The following RYK variants were observed in gnomAD, a reference collection of about 807,000 sequenced individuals.
RYK encodes the protein receptor like tyrosine kinase.
RYK carries 21 observed loss-of-function variants against 70.2 expected under a neutral mutation model. The ratio of observed to expected loss-of-function variants is 0.30; its 90% CI spans 0.21 to 0.43. The LOEUF (loss-of-function observed/expected upper bound fraction) is 0.43. Ranked by LOEUF, RYK falls within the 20% of genes least tolerant of loss-of-function variation. The pLI is 1.00. For synonymous variants in RYK, 267 were observed against 278.0 expected, an observed-to-expected ratio of 0.96 and a Z score of 0.39; for missense variants, 604 against 753.3, an observed-to-expected ratio of 0.80 and a Z score of 2.32.
At chr3:134,201,459 A>G (rs1457364396) in intron 6 of RYK, among the ~76,000 whole-genome samples, 1 of 152,244 alleles carries the variant, frequency 6.6e-6, no homozygotes, top group Non-Finnish European at 1.5e-5. Context: ...GAAAAAGCTT[A>G]CATTCTAAAG....
chr3:134,224,703 C>T (rs1193916385), intron 1 of RYK, among the ~76,000 whole-genome samples: 2 of 151,980 alleles, frequency 1.3e-5, no homozygotes, highest in Non-Finnish European at 2.9e-5. Flanking sequence ...GGGTGCCTTC[C>T]CAGGCACTGG....
chr3:134,196,311 T>C (rs1046483659), intron 6 of RYK, among the ~76,000 whole-genome samples: 3 of 152,166 alleles, frequency 2.0e-5, no homozygotes, highest in African/African-American at 7.2e-5. Context: ...GATAGCAGGA[T>C]AGGTCTTTCA....
At chr3:134,220,674 A>G (rs1009777672) in intron 2 of RYK, among the ~76,000 whole-genome samples, 1 of 152,232 alleles carries the variant, frequency 6.6e-6, no homozygotes, top group South Asian at 2.1e-4. Context: ...ACACACATAT[A>G]TATGTACATA....
At chr3:134,195,644 C>T (rs974128411) in intron 6 of RYK, among the ~76,000 whole-genome samples, 2 of 152,138 alleles carry the variant, frequency 1.3e-5, no homozygotes, top group East Asian at 1.9e-4. Context: ...CCAACATGCT[C>T]GGAGCTTAGA....
chr3:134,188,452 G>A (rs1576511252), intron 9 of RYK, among the ~76,000 whole-genome samples: 1 of 152,116 alleles, frequency 6.6e-6, no homozygotes, highest in East Asian at 1.9e-4. Context: ...ATGAGCCACT[G>A]CACCTGGGCT....
At chr3:134,177,777 C>T (rs1371830138) in intron 11 of RYK, among the ~76,000 whole-genome samples, 164 bp downstream of exon 11, 1 of 152,208 alleles carries the variant, frequency 6.6e-6, no homozygotes, top group Non-Finnish European at 1.5e-5. Context: ...CATAAGCCAA[C>T]ATTTTCCTTT....
At position 134,173,843 on chromosome 3, in the gene RYK, T is replaced by A. The variant is rs530179394; in HGVS notation, c.1575+1766A>T. The stretch of plus-strand genomic sequence containing the variant: ...TCCCCTTTCTCAAATTATTCTCATT[T>A]TAAGGATTTTAAATTAGAATATCAG... On this transcript the variant is annotated intron_variant, in intron 13 of 14. Coordinates refer to ENST00000623711, the MANE Select transcript of RYK (RefSeq NM_002958.4). 1.1e-4 allele frequency among the ~76,000 whole-genome samples: 16 copies of A among 152,340 alleles called. No individual in the cohort carries two copies. The East Asian group carries it at 3.1e-3, about 29-fold the overall frequency.
intron 7 of RYK, among the ~76,000 whole-genome samples, chr3:134,193,413 G>A (rs2107669546): frequency 6.6e-6 from 1 of 152,298 alleles, no homozygotes; most frequent in Non-Finnish European, 1.5e-5. Context: ...TTGATCTCCT[G>A]ACCTCATGAT....
chr3:134,186,540 A>G (rs2013467733), intron 9 of RYK, among the ~76,000 whole-genome samples: 1 of 152,194 alleles, frequency 6.6e-6, no homozygotes, highest in Non-Finnish European at 1.5e-5. Context: ...AATTTGAGGC[A>G]ATGCACTTCC....
chr3:134,227,068 C>G (rs2014929359), intron 1 of RYK, among the ~76,000 whole-genome samples: 1 of 152,098 alleles, frequency 6.6e-6, no homozygotes. Flanking sequence ...ACTACTAAAA[C>G]CAACTAGTGA....
intron 13 of RYK, among the ~76,000 whole-genome samples, chr3:134,169,683 C>T (rs1207592712): frequency 6.6e-6 from 1 of 152,136 alleles, no homozygotes; most frequent in Non-Finnish European, 1.5e-5. Context: ...TGGAAAACAT[C>T]AATGTATTTC....
At chr3:134,247,381 G>C (rs796909507) in intron 1 of RYK, among the ~76,000 whole-genome samples, 5 of 152,290 alleles carry the variant, frequency 3.3e-5, no homozygotes, top group African/African-American at 1.2e-4. Context: ...GGATAAAAAA[G>C]ACAAAAGCAA....
intron 2 of RYK, among the ~76,000 whole-genome samples, chr3:134,217,785 G>A (rs1385631287): frequency 1.3e-5 from 2 of 152,166 alleles, no homozygotes; most frequent in African/African-American, 4.8e-5. Flanking sequence ...ACTAGAAGGT[G>A]CAAGGGACTT....
At chr3:134,184,623 G>A (rs1235447907) in intron 9 of RYK, among the ~76,000 whole-genome samples, 2 of 151,984 alleles carry the variant, frequency 1.3e-5, no homozygotes, top group East Asian at 3.9e-4. Context: ...TAATTAGTTG[G>A]ACCTGGTGGT....
In RYK at chr3:134,161,515, A is replaced by T. The variant is rs563123640; in HGVS notation, c.1576-2142T>A. Among the ~76,000 whole-genome samples the T allele has an allele frequency of 2.1e-3, 324 of 152,328 alleles. 2 individuals carry two copies. The highest frequency in any genetic ancestry group is 7.4e-3 in the African/African-American group (308 of 41,570). ...GACAAATGTCCTTAGCCAGAGCAAA[A>T]CTGTCCCAGTTAAGAACCACTGTGT... On this transcript the variant is annotated intron_variant, in intron 13 of 14. Coordinates refer to ENST00000623711, the MANE Select transcript of RYK (RefSeq NM_002958.4).
intron 13 of RYK, among the ~76,000 whole-genome samples, chr3:134,163,942 C>T (rs1373985415): frequency 6.6e-6 from 1 of 152,164 alleles, no homozygotes; most frequent in Non-Finnish European, 1.5e-5. Context: ...AAGTCCAGTT[C>T]CTCTGTCCTA....
intron 10 of RYK, chr3:134,178,939 G>A (rs1342498413): frequency 1.3e-5 from 2 of 152,040 alleles, no homozygotes; most frequent in African/African-American, 2.4e-5. Context: ...CCAACACTTC[G>A]TAATCTATGC....
intron 5 of RYK, among the ~76,000 whole-genome samples, chr3:134,205,458 CT>C (rs1219530719): frequency 4.6e-5 from 7 of 152,188 alleles, no homozygotes; most frequent in African/African-American, 1.2e-4. Flanking sequence ...CAAGAATTAC[CT>C]TATGCCACAG....
At chr3:134,202,216 ATAC>A (rs1417197805) in intron 6 of RYK, among the ~76,000 whole-genome samples, 1 of 152,204 alleles carries the variant, frequency 6.6e-6, no homozygotes, top group East Asian at 1.9e-4. Flanking sequence ...TGATCCCCAA[ATAC>A]TACCACAAAC....
Sources: allele counts gnomAD v4.1 joint callset (sites outside exome capture counted in the v4.1 genomes callset), GRCh38; gene constraint gnomAD v4.1.1; transcripts MANE v1.5; gene names NCBI Gene and HGNC (gene_info 2026-07-23, HGNC 2026-07-21).